Variants in ADCY4 observed in about 807,000 individuals in gnomAD.
ADCY4 encodes the protein adenylate cyclase type 4.
ADCY4 carries 111 observed loss-of-function variants against 125.5 expected under a neutral mutation model. The ratio of observed to expected loss-of-function variants is 0.88; its 90% confidence interval spans 0.76 to 1.04. The LOEUF is 1.04. Ranked by LOEUF, ADCY4 falls within the 50% of genes least tolerant of loss-of-function variation. The pLI, the probability that ADCY4 is intolerant of heterozygous loss-of-function variation, is 0.00. For synonymous variants in ADCY4, 576 were observed against 586.9 expected, an observed-to-expected ratio of 0.98 and a Z score of 0.27; for missense variants, 1,256 against 1,382.9, an observed-to-expected ratio of 0.91 and a Z score of 1.46.
At position 24,334,917 on chromosome 14, in the gene ADCY4, T is replaced by G; in HGVS notation, c.-265A>C. On this transcript the variant is annotated 5_prime_UTR_variant, in exon 1 of 25. An upstream start codon of the reference 5' UTR is lost. Transcript: ENST00000418030. ...GTAGAGGTGCCCTAGAAAAGCCTCA[T>G]CGCCAGGAGGGCAGGATTTGGGGTT... The G allele has an allele frequency of 2.5e-6, 1 of 394,576 alleles. No homozygotes were observed. 24.4% of individuals were successfully genotyped at this position (394,576 alleles called of 1,614,324 possible).
rs1255356869 is a variant in ADCY4, at chr14:24,318,830, A to T, written c.2957-52T>A. ...CTTGGAGAAGGAAGAGGGGAAGAGG[A>T]AGCCACAAGGAACTGGAAGGAAGGG... On this transcript the variant is annotated intron_variant, in intron 23 of 24. Coordinates refer to ENST00000418030, the MANE Select transcript of ADCY4 (RefSeq NM_001198568.2). 5 of 1,611,156 alleles carry T rather than the reference A, an allele frequency of 3.1e-6. No individual in the cohort carries two copies. The Admixed American group carries it at 8.3e-5, about 27-fold the overall frequency.
chr14:24,327,468 T>A (rs999844909), intron 10 of ADCY4, among the ~76,000 whole-genome samples: 17 of 152,156 alleles, frequency 1.1e-4, no homozygotes, highest in Admixed American at 2.0e-4. Context: ...GGAGGTCTCA[T>A]CCTGCAACAG....
chr14:24,332,928 G>C lies in ADCY4; in HGVS notation c.220C>G (p.Leu74Val), dbSNP rs2042069416. Residue 74 changes from leucine to valine, a missense_variant, in exon 2 of 25, where the codon CTG (leucine) becomes GTG (valine). By Grantham distance (32) the Leu-to-Val change is conservative. Transcript: ENST00000418030. ...TCCCGGGAAGCGAGGCCCAGCAGCAGCGAGAAGCCGCCCAGCGCGCACAGC... is the reference window on the plus strand; with the variant it reads ...TCCCGGGAAGCGAGGCCCAGCAGCACCGAGAAGCCGCCCAGCGCGCACAGC... ...TVLCALGGFS[L>V]LLGLASREQR... 6.3e-7 allele frequency: 1 copy of C among 1,598,028 alleles called. No homozygotes were observed. The highest frequency in any genetic ancestry group is 8.5e-7 in the Non-Finnish European group (1 of 1,171,178).
intron 3 of ADCY4, 37 bp from the exon 4 acceptor site, chr14:24,331,974 C>T (rs571704315): frequency 4.7e-6 from 7 of 1,502,448 alleles, no homozygotes; most frequent in Admixed American, 2.1e-5. Context: ...GCGCGGGACC[C>T]GGGTGCTTGT....
chr14:24,331,935 C>T lies in ADCY4; in HGVS notation c.522G>A (p.Leu174=), dbSNP rs745350648. The T allele has an allele frequency of 1.9e-6, 3 of 1,554,224 alleles. No homozygotes were observed. In the South Asian group the frequency reaches 3.5e-5, roughly 18 times the overall value. Residue 174 remains leucine (L), a splice_region_variant and synonymous_variant, in exon 4 of 25, where the codon TTG becomes TTA. Transcript: ENST00000418030. ...PDSRPALLPQ[L]AANAVLFLCG... ...ACAGGAACAGCACTGCGTTTGCTGCCAACTGTGGGTGAAGGCCAGCCTCAG... is the reference window on the plus strand; with the variant it reads ...ACAGGAACAGCACTGCGTTTGCTGCTAACTGTGGGTGAAGGCCAGCCTCAG...
Position 24,332,561 on chromosome 14 carries a change from A to G in ADCY4, c.480T>C (p.Leu160=), listed in dbSNP as rs1262875738. 4 of 1,575,166 alleles carry G rather than the reference A, an allele frequency of 2.5e-6. No individual in the cohort carries two copies. The highest frequency in any genetic ancestry group is 1.3e-5 in the African/African-American group (1 of 74,494). The change falls in exon 3 of 25, where the codon CTT becomes CTC. Residue 160 remains leucine, a synonymous_variant. Transcript: ENST00000418030. ...LSHLLVLGLY[L]GPQPDSRPAL... ...CAGGCCGTGAGTCCGGCTGTGGCCC[A>G]AGATACAGCCCGAGGACCAGCAGAT... is the stretch of plus-strand genomic sequence containing the variant.
At chr14:24,325,728 C>T in intron 13 of ADCY4, 90 bp downstream of exon 13, 1 of 1,457,034 alleles carries the variant, frequency 6.9e-7, no homozygotes, top group Non-Finnish European at 9.4e-7. Flanking sequence ...ACTGAGCAGA[C>T]TTGGGGAGGA....
intron 20 of ADCY4, among the ~76,000 whole-genome samples, chr14:24,320,237 G>C (rs2041831670): frequency 6.6e-6 from 1 of 152,122 alleles, no homozygotes; most frequent in African/African-American, 2.4e-5. Context: ...ACAAAACCAA[G>C]GGTAAAATGT....
At position 24,319,413 on chromosome 14, in the gene ADCY4, A is replaced by T. The variant is rs2041819067; in HGVS notation, c.2757T>A (p.Ser919Arg). 1.9e-6 allele frequency: 3 copies of T among 1,614,022 alleles called. No homozygotes were observed. Among genetic ancestry groups the T allele is most frequent in the Non-Finnish European group, 1.7e-6 (2 of 1,179,994 alleles). The change falls in exon 22 of 25, where the codon AGT (serine) becomes AGA (arginine). Residue 919 changes from serine to arginine, a missense_variant. Ser to Arg is a moderately radical substitution (Grantham distance 110). Coordinates refer to ENST00000418030, the MANE Select transcript of ADCY4 (RefSeq NM_001198568.2). This position sits in a 1 kb window ranked among gnomAD's most constrained non-coding sequence, Gnocchi z 4.5. ...FDELLSKPKF[S>R]GVEKIKTIGS... ...CGATGGTCTTGATCTTCTCCACCCC[A>T]CTGAACTTGGGCTTGGAGAGCAGCT...
At chr14:24,326,426 A>G (rs1375575872) in intron 10 of ADCY4, 84 bp from the exon 11 acceptor site, 4 of 1,517,784 alleles carry the variant, frequency 2.6e-6, no homozygotes, top group South Asian at 2.3e-5. Context: ...TGCATGCTCT[A>G]TACATGTCTT....
intron 4 of ADCY4, 94 bp from the exon 5 acceptor site, chr14:24,331,450 TAGGTGCTCCCCA>T (rs1170714545): frequency 2.8e-5 from 43 of 1,545,942 alleles, no homozygotes; most frequent in Non-Finnish European, 3.8e-5. Flanking sequence ...CTGCCCATCC[TAGGTGCTCCCCA>T]GGGTGCTCCC....
Position 24,334,769 on chromosome 14 carries a change from G to A in ADCY4, c.-117C>T, listed in dbSNP as rs1594674149. The stretch of plus-strand genomic sequence containing the variant: ...CCGCTCAAAGCCGCTACCACCCCGC[G>A]CCCCCAACCTCGTGGCAATCCCGTC... On this transcript the variant is annotated 5_prime_UTR_variant, in exon 1 of 25. Coordinates refer to ENST00000418030, the MANE Select transcript of ADCY4 (RefSeq NM_001198568.2). 3 of 822,828 alleles carry A rather than the reference G, an allele frequency of 3.6e-6. No homozygotes were observed. In the East Asian group the frequency reaches 8.9e-5, roughly 24 times the overall value. The allele number at this position is 822,828 out of a possible 1,614,324, so 51.0% of individuals were successfully genotyped here. A position where few individuals can be genotyped will look rare whatever the true frequency, so the allele number is the denominator to read the frequency against.
At chr14:24,325,750 T>C in intron 13 of ADCY4, 68 bp downstream of exon 13, 1 of 1,535,266 alleles carries the variant, frequency 6.5e-7, no homozygotes, top group Non-Finnish European at 8.8e-7. Flanking sequence ...ACCCAAGGGC[T>C]GACCCCTCCC....
At chr14:24,322,044 G>A (rs1374528442) in intron 20 of ADCY4, 22 bp downstream of exon 20, 1 of 1,597,632 alleles carries the variant, frequency 6.3e-7, no homozygotes, top group Non-Finnish European at 8.6e-7. Flanking sequence ...CGTGGCTCAG[G>A]AGTCAGGGGG....
At chr14:24,332,237 C>CTTTT in intron 3 of ADCY4, 1 of 394,368 alleles carries the variant, frequency 2.5e-6, no homozygotes, top group Non-Finnish European at 4.4e-6. Flanking sequence ...TCGCACAAAA[C>CTTTT]TTTTTTTTTT....
At chr14:24,326,015 C>T in intron 12 of ADCY4, 64 bp downstream of exon 12, 1 of 1,494,540 alleles carries the variant, frequency 6.7e-7, no homozygotes, top group Non-Finnish European at 9.0e-7. Flanking sequence ...CAGGGAGCAC[C>T]ATCCCTTCTC....
chr14:24,321,903 A>G (rs2041857316), intron 20 of ADCY4, 163 bp downstream of exon 20: 1 of 1,372,016 alleles, frequency 7.3e-7, no homozygotes, highest in African/African-American at 1.4e-5. Context: ...TGCTCACCAA[A>G]GAAAGAATCT....
chr14:24,334,399 A>G, intron 1 of ADCY4, 95 bp downstream of exon 1: 1 of 1,451,206 alleles, frequency 6.9e-7, no homozygotes. Context: ...CTCTGCTCCC[A>G]GCAACGAAAA....
rs2042061848 is a variant in ADCY4 at position 24,332,686 on chromosome 14, G to A, written c.358-3C>T. 6.3e-7 allele frequency: 1 copy of A among 1,584,424 alleles called. No homozygotes were observed. The highest frequency in any genetic ancestry group is 8.6e-7 in the Non-Finnish European group (1 of 1,165,124). On this transcript the variant is annotated splice_region_variant and splice_polypyrimidine_tract_variant and intron_variant, in intron 2 of 24. Transcript: ENST00000418030. The stretch of plus-strand genomic sequence containing the variant: ...ATGACGAAGAGAAAATAGGACACCT[G>A]GGGGCGGGGCGCGGGAAGCCGAAGG...
Sources: allele counts gnomAD v4.1 joint callset (sites outside exome capture counted in the v4.1 genomes callset), GRCh38; gene constraint gnomAD v4.1.1; non-coding constraint Gnocchi (gnomAD v3.1); transcripts MANE v1.5; gene names NCBI Gene and HGNC (gene_info 2026-07-23, HGNC 2026-07-21).